The following TENM4 variants were observed in gnomAD, a reference collection of about 807,000 sequenced individuals.
TENM4 encodes teneurin transmembrane protein 4.
In TENM4, 82 loss-of-function variants were observed where a neutral mutation model predicts 243.3. The observed-to-expected ratio is 0.34, with a 90% CI of 0.28 to 0.40. TENM4 has a LOEUF of 0.40. TENM4 is among the 10% of genes least tolerant of loss of function. The pLI is 1.00. For missense variants in TENM4, 3,138 were observed against 3,673.3 expected (o/e 0.85, Z 3.77); for synonymous variants, 1,412 against 1,456.3 (o/e 0.97, Z 0.69).
chr11:79,042,867 T>G (rs1859571558), intron 6 of TENM4, among the ~76,000 whole-genome samples: 1 of 152,244 alleles, frequency 6.6e-6, no homozygotes, highest in South Asian at 2.1e-4. Flanking sequence ...ACCAGGGTGA[T>G]CTTCCTAAAA....
intron 1 of TENM4, among the ~76,000 whole-genome samples, chr11:79,434,603 T>C (rs1859233363): frequency 1.3e-5 from 2 of 152,228 alleles, no homozygotes; most frequent in Non-Finnish European, 2.9e-5. Flanking sequence ...GAAAAAGAAT[T>C]TGTGTATCAG....
At chr11:78,975,690 G>A (rs1049489823) in intron 6 of TENM4, among the ~76,000 whole-genome samples, 3 of 151,698 alleles carry the variant, frequency 2.0e-5, no homozygotes, top group Non-Finnish European at 4.4e-5. Flanking sequence ...TCAAGATGGA[G>A]TAAGACCAGA....
At chr11:79,085,852 T>C (rs1259570612) in intron 4 of TENM4, among the ~76,000 whole-genome samples, 1 of 152,194 alleles carries the variant, frequency 6.6e-6, no homozygotes, top group Admixed American at 6.5e-5. Context: ...GCCAATTGCT[T>C]GCCACTTATT....
At chr11:78,852,889 G>A (rs555180745) in intron 12 of TENM4, among the ~76,000 whole-genome samples, 5 of 151,712 alleles carry the variant, frequency 3.3e-5, no homozygotes, top group African/African-American at 7.3e-5. Context: ...AGCTGGGACC[G>A]CAGGCATGCA....
intron 6 of TENM4, among the ~76,000 whole-genome samples, chr11:79,048,127 TGGCACTCACAGTGAGGTGAC>T (rs1398988300): frequency 6.6e-6 from 1 of 152,166 alleles, no homozygotes; most frequent in Admixed American, 6.5e-5. Context: ...GGAGCTGGCC[TGGCACTCACAGTGAGGTGAC>T]GGCATTCACC....
intron 6 of TENM4, among the ~76,000 whole-genome samples, chr11:78,934,291 T>TA (rs1323454085): frequency 6.6e-6 from 1 of 152,140 alleles, no homozygotes; most frequent in African/African-American, 2.4e-5. Context: ...ATGCTTATCT[T>TA]AAAAGGAAGA....
intron 1 of TENM4, among the ~76,000 whole-genome samples, chr11:79,361,009 G>A (rs963657270): frequency 2.0e-5 from 3 of 152,186 alleles, no homozygotes; most frequent in African/African-American, 7.2e-5. Flanking sequence ...CTGATGCCTA[G>A]CAATTATCAT....
intron 4 of TENM4, among the ~76,000 whole-genome samples, chr11:79,071,047 T>TCCTCTTTTCC (rs1200830577): frequency 6.6e-6 from 1 of 152,094 alleles, no homozygotes; most frequent in Non-Finnish European, 1.5e-5. Context: ...TAGCCCTTTC[T>TCCTCTTTTCC]CCTCTTTTCC....
intron 29 of TENM4, among the ~76,000 whole-genome samples, chr11:78,684,690 T>G (rs1858622755): frequency 6.6e-6 from 1 of 152,194 alleles, no homozygotes; most frequent in Non-Finnish European, 1.5e-5. Context: ...GGTGTGTGAC[T>G]GGGGCAAGCT....
intron 1 of TENM4, among the ~76,000 whole-genome samples, chr11:79,330,652 G>A (rs561297161): frequency 6.6e-6 from 1 of 152,188 alleles, no homozygotes; most frequent in African/African-American, 2.4e-5. Context: ...AGCCAGCAGA[G>A]TCGAGAGCTA....
intron 4 of TENM4, among the ~76,000 whole-genome samples, chr11:79,126,835 C>A (rs1315523201): frequency 6.6e-6 from 1 of 152,160 alleles, no homozygotes. Flanking sequence ...TTCTCCCATC[C>A]TTCCCCAAGG....
intron 6 of TENM4, among the ~76,000 whole-genome samples, chr11:78,957,596 A>G (rs1326426022): frequency 6.6e-6 from 1 of 152,214 alleles, no homozygotes; most frequent in African/African-American, 2.4e-5. Context: ...ATTGGTAGTC[A>G]AAACAAAATA....
In TENM4 at chr11:78,687,951, T is replaced by C. The variant is rs1273240498; in HGVS notation, c.5260+103A>G. 2.6e-5 allele frequency: 36 copies of C among 1,382,946 alleles called. No individual in the cohort carries two copies. In the South Asian group the frequency reaches 3.5e-4, roughly 14 times the overall value. The allele number at this position is 1,382,946 out of a possible 1,614,324, so 85.7% of individuals were successfully genotyped here. On this transcript the variant is annotated intron_variant, in intron 29 of 33. Transcript: ENST00000278550. ...TACAGAGAGTTGCAATGCTTTCCTGTTCTTGGGCAGCTCCAGCAGCAGCCT... is the reference window on the plus strand; with the variant it reads ...TACAGAGAGTTGCAATGCTTTCCTGCTCTTGGGCAGCTCCAGCAGCAGCCT...
At chr11:78,773,799 G>A (rs1038693656) in intron 17 of TENM4, among the ~76,000 whole-genome samples, 1 of 152,248 alleles carries the variant, frequency 6.6e-6, no homozygotes, top group African/African-American at 2.4e-5. Context: ...CTTCAGGACA[G>A]TGAGACAATG....
Position 78,707,869 on chromosome 11 carries a change from CTGAG to C in TENM4, c.4209+488_4209+491del, listed in dbSNP as rs1213401124. Among the ~76,000 whole-genome samples, 8 of 152,318 alleles carry C rather than the reference CTGAG, an allele frequency of 5.3e-5. No homozygotes were observed. In the South Asian group the frequency reaches 6.2e-4, roughly 12 times the overall value. On this transcript the variant is annotated intron_variant, in intron 27 of 33. Coordinates refer to ENST00000278550, the MANE Select transcript of TENM4 (RefSeq NM_001098816.3). ...AAAAGTGAGGCTCAAAAGAAAGTTA[CTGAG>C]TGAGTGAGTGGCAAAAGCTAGGATT...
chr11:78,676,433 G>C lies in TENM4; in HGVS notation c.5261-46C>G, dbSNP rs771478879. On this transcript the variant is annotated intron_variant, in intron 29 of 33. Transcript: ENST00000278550. ...AGACTGCTCAGAAGGAACGAAGGTG[G>C]AGGGAGGTGTGAGGACAGCAGAGGC... 9.9e-6 allele frequency: 15 copies of C among 1,511,604 alleles called. No individual in the cohort carries two copies. In the Admixed American group the frequency reaches 1.1e-4, roughly 11 times the overall value. 93.6% of individuals were successfully genotyped at this position (1,511,604 alleles called of 1,614,324 possible).
chr11:79,271,619 T>G (rs1855970319), intron 2 of TENM4, among the ~76,000 whole-genome samples: 1 of 152,152 alleles, frequency 6.6e-6, no homozygotes, highest in African/African-American at 2.4e-5. Flanking sequence ...ACCAGCTGTT[T>G]AATGGCGGGG....
chr11:78,864,658 C>G (rs1382694489), intron 9 of TENM4, among the ~76,000 whole-genome samples: 4 of 152,076 alleles, frequency 2.6e-5, no homozygotes, highest in Non-Finnish European at 2.9e-5. Flanking sequence ...CAGGCTTGGG[C>G]CTTGTCAGTG....
intron 9 of TENM4, among the ~76,000 whole-genome samples, chr11:78,889,572 T>C (rs1855616397): frequency 6.6e-6 from 1 of 152,116 alleles, no homozygotes; most frequent in Non-Finnish European, 1.5e-5. Context: ...CTGATATAAG[T>C]GCAGAGGGAT....
Sources: allele counts gnomAD v4.1 joint callset (sites outside exome capture counted in the v4.1 genomes callset), GRCh38; gene constraint gnomAD v4.1.1; transcripts MANE v1.5; gene names NCBI Gene and HGNC (gene_info 2026-07-23, HGNC 2026-07-21).